ADAMTSL3: variants seen among roughly 807,000 people sequenced by gnomAD.
The protein encoded by ADAMTSL3 is ADAMTS like 3, also known as ADAMTS-like protein 3.
Under a neutral mutation model 201.7 loss-of-function variants are expected in ADAMTSL3, and 128 were observed. That is an observed-to-expected ratio of 0.63 (90% CI 0.55 to 0.73). ADAMTSL3 has a LOEUF of 0.73. Among genes scored for constraint, ADAMTSL3 ranks in the 30% least tolerant of loss-of-function variants. The pLI, the probability that ADAMTSL3 is intolerant of heterozygous loss-of-function variation, is 0.00. For missense variants in ADAMTSL3, 1,990 were observed against 2,119.6 expected, an observed-to-expected ratio of 0.94 and a Z score of 1.20; for synonymous variants, 738 against 748.4, an observed-to-expected ratio of 0.99 and a Z score of 0.23.
chr15:83,913,016 G>A (rs2141959625), intron 15 of ADAMTSL3, 76 bp from the exon 16 acceptor site: 2 of 1,490,550 alleles, frequency 1.3e-6, no homozygotes, highest in South Asian at 1.3e-5. Flanking sequence ...TTCGTTGAAT[G>A]TGTCACTCCT....
chr15:83,984,050 G>A (rs1596498270), intron 21 of ADAMTSL3, among the ~76,000 whole-genome samples: 1 of 152,142 alleles, frequency 6.6e-6, no homozygotes, highest in Non-Finnish European at 1.5e-5. Flanking sequence ...ATATTATTCT[G>A]ATCTCTATGC....
At chr15:83,928,204 C>T (rs1253747165) in intron 17 of ADAMTSL3, among the ~76,000 whole-genome samples, 1 of 152,068 alleles carries the variant, frequency 6.6e-6, no homozygotes, top group Non-Finnish European at 1.5e-5. Flanking sequence ...AGCTGGAGTG[C>T]AGTGGTGCAG....
At chr15:83,979,899 G>C (rs149378486) in intron 20 of ADAMTSL3, among the ~76,000 whole-genome samples, 26 of 152,254 alleles carry the variant, frequency 1.7e-4, no homozygotes, top group South Asian at 1.0e-3. Flanking sequence ...CTTAATTCAT[G>C]GTACATGCTG....
chr15:84,037,666 C>A, intron 29 of ADAMTSL3, 34 bp from the exon 30 acceptor site: 1 of 1,564,570 alleles, frequency 6.4e-7, no homozygotes, highest in Non-Finnish European at 8.6e-7. Flanking sequence ...CTCTAATAAG[C>A]TATATGTTAC....
intron 2 of ADAMTSL3, among the ~76,000 whole-genome samples, chr15:83,690,590 GC>G (rs764111605): frequency 7.9e-5 from 12 of 152,044 alleles, no homozygotes; most frequent in East Asian, 1.9e-4. Context: ...ACGCTCCTGT[GC>G]CCCCCTAGCA....
Position 83,986,569 on chromosome 15 carries a change from C to T in ADAMTSL3, c.3717-2122C>T, listed in dbSNP as rs890972142. Among the ~76,000 whole-genome samples, 6 of 152,290 alleles carry T rather than the reference C, an allele frequency of 3.9e-5. No homozygotes were observed. The East Asian group carries it at 1.2e-3, about 29-fold the overall frequency. Reference sequence around the variant, plus strand: ...ATCCATTTTCATTTCTATTTTTCCTCCAAAACCTACCCAATTAATTTGTTC... The same window carrying T: ...ATCCATTTTCATTTCTATTTTTCCTTCAAAACCTACCCAATTAATTTGTTC... On this transcript the variant is annotated intron_variant, in intron 21 of 29. Transcript: ENST00000286744.
intron 15 of ADAMTSL3, among the ~76,000 whole-genome samples, chr15:83,908,556 C>T (rs1051454520): frequency 7.9e-5 from 12 of 152,124 alleles, no homozygotes; most frequent in African/African-American, 2.2e-4. Context: ...ACATAATATT[C>T]ATAGGACTCT....
chr15:83,877,954 T>G (rs546880197), intron 9 of ADAMTSL3, among the ~76,000 whole-genome samples: 3 of 152,340 alleles, frequency 2.0e-5, no homozygotes, highest in African/African-American at 7.2e-5. Context: ...ACTAATAGTT[T>G]GTGAATTCTT....
At chr15:83,725,825 G>A (rs2062166418) in intron 3 of ADAMTSL3, among the ~76,000 whole-genome samples, 1 of 152,130 alleles carries the variant, frequency 6.6e-6, no homozygotes, top group Admixed American at 6.6e-5. Flanking sequence ...GTCAGGTAAT[G>A]TGATTCCTCC....
rs1278231051 is a variant in ADAMTSL3, at chr15:83,889,033, C to A, written c.1073-1076C>A. On this transcript the variant is annotated intron_variant, in intron 10 of 29. Coordinates refer to ENST00000286744, the MANE Select transcript of ADAMTSL3 (RefSeq NM_207517.3). ...TTTTTTTGAAAAAGTTTAACTTTAA[C>A]AAGACACTTATGTGGTGACAGGAAA... 2.0e-5 allele frequency among the ~76,000 whole-genome samples: 3 copies of A among 152,144 alleles called. No homozygotes were observed. In the South Asian group the frequency reaches 6.2e-4, roughly 31 times the overall value.
chr15:83,827,094 C>G (rs1456923019), intron 6 of ADAMTSL3, among the ~76,000 whole-genome samples: 1 of 152,184 alleles, frequency 6.6e-6, no homozygotes, highest in Non-Finnish European at 1.5e-5. Context: ...ACACTGACTT[C>G]CACAATGGTT....
At chr15:83,783,262 A>C (rs1329715966) in intron 4 of ADAMTSL3, among the ~76,000 whole-genome samples, 1 of 151,894 alleles carries the variant, frequency 6.6e-6, no homozygotes, top group Non-Finnish European at 1.5e-5. Context: ...AAAATAAAAC[A>C]ATGTATAACT....
At chr15:83,680,510 GTTGT>G (rs2061463780) in intron 2 of ADAMTSL3, among the ~76,000 whole-genome samples, 1 of 114,402 alleles carries the variant, frequency 8.7e-6, no homozygotes, top group African/African-American at 3.4e-5. Context: ...CACCTTAGTT[GTTGT>G]TTTTTTTTTT....
chr15:83,901,664 G>A (rs758509960), intron 15 of ADAMTSL3, among the ~76,000 whole-genome samples: 3 of 152,136 alleles, frequency 2.0e-5, no homozygotes, highest in Non-Finnish European at 4.4e-5. Context: ...TGATGTTAGG[G>A]CAATCTTAAA....
chr15:83,763,926 A>G (rs1008884767), intron 3 of ADAMTSL3, among the ~76,000 whole-genome samples: 1 of 152,218 alleles, frequency 6.6e-6, no homozygotes, highest in Non-Finnish European at 1.5e-5. Flanking sequence ...CTTAACCATT[A>G]TCAGGTAAAC....
intron 19 of ADAMTSL3, among the ~76,000 whole-genome samples, chr15:83,960,388 C>T (rs1367739201): frequency 6.6e-6 from 1 of 152,108 alleles, no homozygotes; most frequent in African/African-American, 2.4e-5. Flanking sequence ...TGAGAGCTGA[C>T]AAATATTTCC....
At chr15:83,892,947 A>G in intron 13 of ADAMTSL3, 59 bp downstream of exon 13, 1 of 1,510,426 alleles carries the variant, frequency 6.6e-7, no homozygotes, top group Non-Finnish European at 9.1e-7. Context: ...GATATTTTCT[A>G]TATGCCCACC....
intron 3 of ADAMTSL3, among the ~76,000 whole-genome samples, chr15:83,751,270 T>C (rs2062632806): frequency 6.6e-6 from 1 of 152,220 alleles, no homozygotes; most frequent in Non-Finnish European, 1.5e-5. Flanking sequence ...TTCAACGTTA[T>C]TAAAATTTTG....
chr15:83,853,758 G>A (rs574018953), intron 7 of ADAMTSL3, among the ~76,000 whole-genome samples: 4 of 152,152 alleles, frequency 2.6e-5, no homozygotes, highest in African/African-American at 4.8e-5. Flanking sequence ...TTGGAATGTA[G>A]TTTTATCTCC....
Sources: gnomAD v4.1 joint callset for allele counts (sites outside exome capture counted in the v4.1 genomes callset) on GRCh38, gnomAD v4.1.1 for gene constraint, MANE v1.5 for transcripts, NCBI Gene and HGNC (gene_info 2026-07-23, HGNC 2026-07-21) for gene names.